The following GRIN2B variants were observed in gnomAD, a reference collection of about 807,000 sequenced individuals.
GRIN2B encodes the protein glutamate receptor ionotropic, NMDA 2B.
A neutral mutation model predicts 114.5 loss-of-function variants in GRIN2B; 5 were observed. The ratio of observed to expected loss-of-function variants is 0.04; its 90% confidence interval spans 0.02 to 0.09. The LOEUF (loss-of-function observed/expected upper bound fraction) is 0.09. Among genes scored for constraint, GRIN2B ranks in the 10% least tolerant of loss-of-function variants. The pLI is 1.00. For missense variants in GRIN2B, 1,108 were observed against 1,943.5 expected (o/e 0.57, Z 8.08); for synonymous variants, 787 against 745.1 (o/e 1.06, Z -0.92).
chr12:13,703,550 T>C, intron 4 of GRIN2B, among the ~76,000 whole-genome samples: 1 of 152,190 alleles, frequency 6.6e-6, no homozygotes, highest in East Asian at 1.9e-4. Flanking sequence ...ACTGCTGTAA[T>C]GTTTTATTTT....
chr12:13,593,887 A>G (rs1216825003), intron 10 of GRIN2B, among the ~76,000 whole-genome samples: 2 of 152,272 alleles, frequency 1.3e-5, no homozygotes, highest in East Asian at 3.8e-4. Flanking sequence ...ACTTATTAAA[A>G]GAAGACATTT....
chr12:13,873,999 T>G (rs1865954357), intron 2 of GRIN2B, among the ~76,000 whole-genome samples: 1 of 152,150 alleles, frequency 6.6e-6, no homozygotes, highest in Non-Finnish European at 1.5e-5. Flanking sequence ...ATTATCCAAA[T>G]CTCTGAGCCA....
chr12:13,657,690 C>A (rs1454712839), intron 5 of GRIN2B, among the ~76,000 whole-genome samples: 1 of 152,044 alleles, frequency 6.6e-6, no homozygotes, highest in Non-Finnish European at 1.5e-5. Context: ...GAGGGGAGTA[C>A]AGAGGGGCAG....
rs150319038 is a variant in GRIN2B at position 13,754,531 on chromosome 12, A to G, written c.412-616T>C. ...AGGTGAATGGTACTCAGATACAGAT[A>G]TCAGGGAGAAGTATACGTAGTATGA... is the stretch of plus-strand genomic sequence containing the variant. On this transcript the variant is annotated intron_variant, in intron 3 of 13. Coordinates refer to ENST00000609686, the MANE Select transcript of GRIN2B (RefSeq NM_000834.5). Among the ~76,000 whole-genome samples, 869 of 152,354 alleles carry G rather than the reference A, an allele frequency of 5.7e-3. 15 individuals are homozygous for G. Among genetic ancestry groups the G allele is most frequent in the African/African-American group, 0.019 (809 of 41,582 alleles).
intron 4 of GRIN2B, among the ~76,000 whole-genome samples, chr12:13,706,813 G>A (rs1479460331): frequency 6.6e-6 from 1 of 152,072 alleles, no homozygotes; most frequent in Non-Finnish European, 1.5e-5. Context: ...GAGACATTTT[G>A]GCCTGCCTTG....
chr12:13,924,762 T>A (rs1477601555), intron 2 of GRIN2B, among the ~76,000 whole-genome samples: 1 of 152,226 alleles, frequency 6.6e-6, no homozygotes, highest in African/African-American at 2.4e-5. Context: ...TGGCAACTTT[T>A]CACGTATTCC....
chr12:13,720,384 G>C (rs1950496793), intron 4 of GRIN2B, among the ~76,000 whole-genome samples: 1 of 152,050 alleles, frequency 6.6e-6, no homozygotes, highest in Non-Finnish European at 1.5e-5. Flanking sequence ...ATGTACTTGA[G>C]ACATAAAACT....
intron 3 of GRIN2B, among the ~76,000 whole-genome samples, chr12:13,827,229 C>CTTTTTTTTTTTTTTTTTTT (rs57007962): frequency 2.1e-4 from 21 of 98,612 alleles, no homozygotes; most frequent in East Asian, 6.6e-4. Context: ...TTGTTGTTTT[C>CTTTTTTTTTTTTTTTTTTT]TTTTTTTTTT....
chr12:13,604,211 C>T lies in GRIN2B; in HGVS notation c.2010+4392G>A, dbSNP rs1047530458. Among the ~76,000 whole-genome samples, 7 of 152,102 alleles carry T rather than the reference C, an allele frequency of 4.6e-5. No homozygotes were observed. The East Asian group carries it at 1.2e-3, about 25-fold the overall frequency. Reference sequence around the variant, plus strand: ...ACGTACAGTCGGGTTGCTGAATGTTCGAACTTGCACCCATATTTAGGTACA... The same window carrying T: ...ACGTACAGTCGGGTTGCTGAATGTTTGAACTTGCACCCATATTTAGGTACA... On this transcript the variant is annotated intron_variant, in intron 10 of 13. Transcript: ENST00000609686.
chr12:13,878,583 A>G (rs533053533), intron 2 of GRIN2B, among the ~76,000 whole-genome samples: 1 of 152,188 alleles, frequency 6.6e-6, no homozygotes, highest in Admixed American at 6.5e-5. Flanking sequence ...ATTCCTCCTG[A>G]GTTCCACAAT....
rs201952040 is a variant in GRIN2B at position 13,675,790 on chromosome 12, C to T, written c.1080G>A (p.Pro360=). The change falls in exon 5 of 14, where the codon CCG becomes CCA. Residue 360 remains proline (P), a synonymous_variant. Transcript: ENST00000609686. ...TGTTCAGAAGAATTATCACCAGTTT[C>T]GGGTGCATCTGGTAGCCATCTTCAC... ...SFSEDGYQMH[P]KLVIILLNKE... is the part of the protein sequence containing the mutation. The T allele has an allele frequency of 5.5e-5, 88 of 1,611,750 alleles. 1 individual carries two copies. The highest frequency in any genetic ancestry group is 1.6e-4 in the Middle Eastern group (1 of 6,078).
intron 1 of GRIN2B, among the ~76,000 whole-genome samples, 179 bp downstream of exon 1, chr12:13,981,163 A>C (rs1458822598): frequency 1.6e-5 from 1 of 61,498 alleles, no homozygotes; most frequent in Non-Finnish European, 5.1e-5. Context: ...CTCCCCCACA[A>C]AAAAAAAAAA....
At chr12:13,841,392 G>A (rs530015367) in intron 3 of GRIN2B, among the ~76,000 whole-genome samples, 4 of 152,168 alleles carry the variant, frequency 2.6e-5, no homozygotes, top group South Asian at 2.1e-4. Flanking sequence ...TATGTCACAC[G>A]GGACAGAAAT....
At chr12:13,617,789 C>A (rs1949462761) in intron 5 of GRIN2B, among the ~76,000 whole-genome samples, 1 of 152,192 alleles carries the variant, frequency 6.6e-6, no homozygotes, top group Non-Finnish European at 1.5e-5. Context: ...CAATAAGAAG[C>A]AACAAGTTGG....
chr12:13,743,108 T>A (rs1173826803), intron 4 of GRIN2B, among the ~76,000 whole-genome samples: 3 of 152,194 alleles, frequency 2.0e-5, no homozygotes, highest in Non-Finnish European at 4.4e-5. Flanking sequence ...TTACTGGGAC[T>A]CCACACCATA....
intron 4 of GRIN2B, among the ~76,000 whole-genome samples, chr12:13,730,600 CA>C (rs1863072208): frequency 6.6e-6 from 1 of 152,138 alleles, no homozygotes; most frequent in African/African-American, 2.4e-5. Context: ...AATCATGTGT[CA>C]AGGGCCCCAA....
intron 2 of GRIN2B, among the ~76,000 whole-genome samples, chr12:13,973,050 A>G (rs1254978395): frequency 6.6e-6 from 1 of 152,214 alleles, no homozygotes; most frequent in Non-Finnish European, 1.5e-5. Context: ...GGATTAGTTA[A>G]GAATGTCGGC....
chr12:13,774,730 C>T (rs776827489), intron 3 of GRIN2B, among the ~76,000 whole-genome samples: 6 of 152,102 alleles, frequency 3.9e-5, no homozygotes, highest in Non-Finnish European at 7.4e-5. Context: ...GCATAACATG[C>T]GTTCAATCTT....
At chr12:13,955,077 A>C (rs1183102530) in intron 2 of GRIN2B, among the ~76,000 whole-genome samples, 2 of 152,094 alleles carry the variant, frequency 1.3e-5, no homozygotes, top group African/African-American at 4.8e-5. Flanking sequence ...TTCCAGGAGA[A>C]GAAGATTTGA....
Sources: gnomAD v4.1 joint callset for allele counts (sites outside exome capture counted in the v4.1 genomes callset) on GRCh38, gnomAD v4.1.1 for gene constraint, MANE v1.5 for transcripts, NCBI Gene and HGNC (gene_info 2026-07-23, HGNC 2026-07-21) for gene names.